REDIC1: variants seen among roughly 807,000 people sequenced by gnomAD.
REDIC1 encodes the protein regulator of DNA class I crossover intermediates 1.
At chr12:39,721,383 G>A in the REDIC1 span, 2 of 711,750 alleles carry the variant, frequency 2.8e-6, no homozygotes, top group Non-Finnish European at 4.7e-6. Flanking sequence ...TGTTCAGGGT[G>A]TATATTCACG....
chr12:39,817,990 G>A, the REDIC1 span, among the ~76,000 whole-genome samples: 5 of 152,112 alleles, frequency 3.3e-5, no homozygotes, highest in African/African-American at 9.7e-5. Context: ...TTTCTCCTCT[G>A]CTTTGTCCTT....
At chr12:39,700,497 G>C in the REDIC1 span, among the ~76,000 whole-genome samples, 1 of 152,172 alleles carries the variant, frequency 6.6e-6, no homozygotes, top group South Asian at 2.1e-4. Flanking sequence ...ATGGAACCAA[G>C]TTGGAAAACA....
At chr12:39,643,956 T>G in the REDIC1 span, 1 of 1,411,332 alleles carries the variant, frequency 7.1e-7, no homozygotes, top group African/African-American at 1.5e-5. Context: ...GAACTTGATG[T>G]GATCATAATA....
chr12:39,713,904 C>T, the REDIC1 span, among the ~76,000 whole-genome samples: 2 of 146,726 alleles, frequency 1.4e-5, no homozygotes, highest in Non-Finnish European at 3.0e-5. Context: ...TACGTATATA[C>T]GTATGTGTAT....
the REDIC1 span, among the ~76,000 whole-genome samples, chr12:39,643,086 G>C: frequency 6.6e-6 from 1 of 151,610 alleles, no homozygotes; most frequent in African/African-American, 2.4e-5. Flanking sequence ...AAGAGAAGAT[G>C]TTTTCACAAC....
chr12:39,773,058 T>C, the REDIC1 span, among the ~76,000 whole-genome samples: 1 of 152,228 alleles, frequency 6.6e-6, no homozygotes, highest in Non-Finnish European at 1.5e-5. Context: ...CAAAATATCC[T>C]CATGCTTTCC....
the REDIC1 span, among the ~76,000 whole-genome samples, chr12:39,846,191 A>T: frequency 6.6e-6 from 1 of 152,150 alleles, no homozygotes; most frequent in African/African-American, 2.4e-5. Context: ...TGCTCTAGAA[A>T]AACCAAGGTG....
the REDIC1 span, among the ~76,000 whole-genome samples, chr12:39,820,996 C>T: frequency 5.3e-5 from 8 of 152,034 alleles, no homozygotes; most frequent in Non-Finnish European, 1.2e-4. Context: ...CCCCAAACTT[C>T]TACTTCCTAC....
the REDIC1 span, among the ~76,000 whole-genome samples, chr12:39,659,691 T>TG: frequency 3.8e-3 from 13 of 3,394 alleles, no homozygotes; most frequent in African/African-American, 0.037. Context: ...TTATGATAAC[T>TG]TTTAATGTAC....
chr12:39,774,769 T>C, the REDIC1 span, among the ~76,000 whole-genome samples: 1 of 152,206 alleles, frequency 6.6e-6, no homozygotes, highest in African/African-American at 2.4e-5. Context: ...AAGCCACTTT[T>C]TTCCTGAATA....
At chr12:39,723,895 A>G in the REDIC1 span, among the ~76,000 whole-genome samples, 3 of 152,088 alleles carry the variant, frequency 2.0e-5, no homozygotes, top group Non-Finnish European at 4.4e-5. Flanking sequence ...AACAATTGCA[A>G]TTTGTTTATA....
the REDIC1 span, among the ~76,000 whole-genome samples, chr12:39,828,697 A>G: frequency 7.4e-6 from 1 of 134,882 alleles, no homozygotes; most frequent in Non-Finnish European, 1.6e-5. Flanking sequence ...ATAATTCTAG[A>G]CTAGTAGTAA....
At chr12:39,699,026 A>C in the REDIC1 span, among the ~76,000 whole-genome samples, 1 of 152,278 alleles carries the variant, frequency 6.6e-6, no homozygotes, top group Non-Finnish European at 1.5e-5. Context: ...TGAAGCAAAC[A>C]GTACAAAGTA....
chr12:39,879,486 G>A, the REDIC1 span, among the ~76,000 whole-genome samples: 1 of 152,236 alleles, frequency 6.6e-6, no homozygotes, highest in South Asian at 2.1e-4. Context: ...CCTTGCATCA[G>A]TGTTCCCTGG....
chr12:39,728,438 T>C, the REDIC1 span, among the ~76,000 whole-genome samples: 1 of 152,146 alleles, frequency 6.6e-6, no homozygotes, highest in East Asian at 1.9e-4. Context: ...TTATGTGTGA[T>C]GGATTATGTT....
the REDIC1 span, among the ~76,000 whole-genome samples, chr12:39,789,815 A>T: frequency 6.6e-6 from 1 of 152,078 alleles, no homozygotes; most frequent in Non-Finnish European, 1.5e-5. Context: ...CATTTCACAT[A>T]TTTATTGGCC....
the REDIC1 span, among the ~76,000 whole-genome samples, chr12:39,893,102 A>G: frequency 6.6e-6 from 1 of 152,224 alleles, no homozygotes; most frequent in Non-Finnish European, 1.5e-5. Flanking sequence ...GAGAAAACTA[A>G]TCCACAAGTA....
At chr12:39,867,182 C>T in the REDIC1 span, among the ~76,000 whole-genome samples, 4 of 152,242 alleles carry the variant, frequency 2.6e-5, no homozygotes, top group African/African-American at 9.6e-5. Context: ...CCTATTTTCC[C>T]AAATTACATC....
the REDIC1 span, among the ~76,000 whole-genome samples, chr12:39,807,391 A>G: frequency 2.0e-5 from 3 of 152,180 alleles, no homozygotes; most frequent in East Asian, 1.9e-4. Context: ...AACAATATCA[A>G]TCTCCTGGGT....
Sources: gnomAD v4.1 joint callset for allele counts (sites outside exome capture counted in the v4.1 genomes callset) on GRCh38, gnomAD v4.1.1 for gene constraint, MANE v1.5 for transcripts, NCBI Gene and HGNC (gene_info 2026-07-23, HGNC 2026-07-21) for gene names.